Variants in PAPPA2 observed in about 807,000 individuals in gnomAD.
The protein encoded by PAPPA2 is pappalysin-2.
PAPPA2 carries 86 observed loss-of-function variants against 176.4 expected under a neutral mutation model. The observed-to-expected ratio is 0.49, with a 90% CI of 0.41 to 0.58. The LOEUF is 0.58. Among genes scored for constraint, PAPPA2 ranks in the 20% least tolerant of loss-of-function variants. The pLI, the probability that PAPPA2 is intolerant of heterozygous loss-of-function variation, is 0.00. For missense variants in PAPPA2, 2,073 were observed against 2,256.9 expected, an observed-to-expected ratio of 0.92 and a Z score of 1.65; for synonymous variants, 809 against 852.2, an observed-to-expected ratio of 0.95 and a Z score of 0.88.
In PAPPA2 at chr1:176,742,760, C is replaced by T. The variant is rs547227447; in HGVS notation, c.4151+2564C>T. Among the ~76,000 whole-genome samples, 12 of 152,274 alleles carry T rather than the reference C, an allele frequency of 7.9e-5. 1 individual carries two copies. Among genetic ancestry groups the T allele is most frequent in the East Asian group, 1.9e-4 (1 of 5,174 alleles). ...CACAGTTGTATATGTAGAGGCACCA[C>T]GATATAAAACCCTCAAATTCTGGGC... On this transcript the variant is annotated intron_variant, in intron 14 of 22. Transcript: ENST00000367662.
At chr1:176,833,750 G>A (rs1226619500) in intron 21 of PAPPA2, among the ~76,000 whole-genome samples, 1 of 151,940 alleles carries the variant, frequency 6.6e-6, no homozygotes, top group African/African-American at 2.4e-5. Flanking sequence ...GTATGGATGT[G>A]TACCATGTTC....
chr1:176,618,319 T>G (rs1655392867), intron 3 of PAPPA2, among the ~76,000 whole-genome samples: 1 of 152,202 alleles, frequency 6.6e-6, no homozygotes, highest in Non-Finnish European at 1.5e-5. Context: ...CACCTAAGCC[T>G]TCAGGGGTCA....
chr1:176,624,226 A>G (rs562998278), intron 3 of PAPPA2, among the ~76,000 whole-genome samples: 67 of 152,278 alleles, frequency 4.4e-4, no homozygotes, highest in South Asian at 1.9e-3. Flanking sequence ...TCCTTCCTTT[A>G]TGTTATATCC....
intron 3 of PAPPA2, among the ~76,000 whole-genome samples, chr1:176,662,805 G>A (rs553152447): frequency 2.7e-4 from 41 of 152,136 alleles, no homozygotes; most frequent in Middle Eastern, 3.4e-3. Flanking sequence ...GCATGAAATT[G>A]TTTCCTTTTT....
intron 1 of PAPPA2, among the ~76,000 whole-genome samples, chr1:176,514,008 C>A (rs1172851425): frequency 6.6e-6 from 1 of 152,122 alleles, no homozygotes; most frequent in Non-Finnish European, 1.5e-5. Flanking sequence ...GGCTTATTAC[C>A]ACAATTTTAT....
At chr1:176,726,538 G>T (rs1661885908) in intron 12 of PAPPA2, among the ~76,000 whole-genome samples, 1 of 152,200 alleles carries the variant, frequency 6.6e-6, no homozygotes. Flanking sequence ...CAGAATAGAG[G>T]TAAATAAGTA....
rs376986324 is a variant in PAPPA2, at chr1:176,699,182, G to A, written c.2829G>A (p.Thr943=). Residue 943 remains threonine, a synonymous_variant, in exon 8 of 23, where the codon ACG becomes ACA. Transcript: ENST00000367662. ...TCCACCTGTACCACATGAACATGACGGTCCCCTGCCCCACAGAAGGCTGTA... is the reference window on the plus strand; with the variant it reads ...TCCACCTGTACCACATGAACATGACAGTCCCCTGCCCCACAGAAGGCTGTA... ...PEVHLYHMNM[T]VPCPTEGCSL... 7.4e-6 allele frequency: 12 copies of A among 1,613,954 alleles called. No homozygotes were observed. The highest frequency in any genetic ancestry group is 3.3e-5 in the Admixed American group (2 of 59,992).
intron 4 of PAPPA2, among the ~76,000 whole-genome samples, chr1:176,678,348 A>AT (rs1659411517): frequency 1.3e-5 from 2 of 152,092 alleles, no homozygotes; most frequent in South Asian, 4.1e-4. Flanking sequence ...TAAATCTTAA[A>AT]TTTACTTTCG....
At chr1:176,622,990 CTT>C (rs1163994252) in intron 3 of PAPPA2, among the ~76,000 whole-genome samples, 1 of 152,124 alleles carries the variant, frequency 6.6e-6, no homozygotes, top group East Asian at 1.9e-4. Context: ...CTTTGAGCCT[CTT>C]TTATAAGGGC....
At chr1:176,610,348 G>C (rs895185784) in intron 3 of PAPPA2, among the ~76,000 whole-genome samples, 7 of 136,604 alleles carry the variant, frequency 5.1e-5, no homozygotes, top group East Asian at 5.8e-4. Context: ...TGTGTGTGGG[G>C]GGGGGGAGTA....
intron 21 of PAPPA2, among the ~76,000 whole-genome samples, chr1:176,803,734 TC>T: frequency 6.6e-6 from 1 of 152,336 alleles, no homozygotes; most frequent in Non-Finnish European, 1.5e-5. Context: ...CAGGGTTCTT[TC>T]TATTGTGTCT....
At chr1:176,696,456 T>A (rs1235512926) in intron 7 of PAPPA2, among the ~76,000 whole-genome samples, 1 of 152,194 alleles carries the variant, frequency 6.6e-6, no homozygotes, top group African/African-American at 2.4e-5. Context: ...GCTTTGGATA[T>A]GATCTGAGCT....
At chr1:176,494,290 C>T (rs1166563662) in intron 1 of PAPPA2, among the ~76,000 whole-genome samples, 1 of 152,178 alleles carries the variant, frequency 6.6e-6, no homozygotes, top group Non-Finnish European at 1.5e-5. Flanking sequence ...AGGCTTTTAT[C>T]TGAAGCCACA....
At chr1:176,487,539 G>C (rs1215246376) in intron 1 of PAPPA2, among the ~76,000 whole-genome samples, 1 of 152,198 alleles carries the variant, frequency 6.6e-6, no homozygotes, top group African/African-American at 2.4e-5. Flanking sequence ...CAAGTGGGTG[G>C]CCAGGGCTGG....
intron 21 of PAPPA2, among the ~76,000 whole-genome samples, chr1:176,825,584 G>A (rs2102978432): frequency 6.6e-6 from 1 of 152,256 alleles, no homozygotes; most frequent in African/African-American, 2.4e-5. Context: ...CATGAAGGTG[G>A]GGACGATGAG....
chr1:176,701,339 A>G (rs1488795265), intron 8 of PAPPA2, among the ~76,000 whole-genome samples: 1 of 152,192 alleles, frequency 6.6e-6, no homozygotes, highest in Admixed American at 6.5e-5. Flanking sequence ...CCCCAGCCAC[A>G]GAAAAGTGTG....
Position 176,556,644 on chromosome 1 carries a change from C to A in PAPPA2, c.322C>A (p.Pro108Thr). The change falls in exon 2 of 23, where the codon CCC (proline) becomes ACC (threonine). Residue 108 changes from proline (P) to threonine (T), a missense_variant. Coordinates refer to ENST00000367662, the MANE Select transcript of PAPPA2 (RefSeq NM_020318.3). The stretch of plus-strand genomic sequence containing the variant: ...TGAAGGAAATGCTGTGAGCCTTGTT[C>A]CCCCAGACCTGACTGAAAATCCAGC... ...DTEGNAVSLVPPDLTENPAGL... is the reference protein window; with the variant it reads ...DTEGNAVSLVTPDLTENPAGL... The A allele has an allele frequency of 3.1e-6, 5 of 1,614,184 alleles. No individual in the cohort carries two copies. The highest frequency in any genetic ancestry group is 4.2e-6 in the Non-Finnish European group (5 of 1,180,034).
At chr1:176,486,004 A>G (rs1048418856) in intron 1 of PAPPA2, among the ~76,000 whole-genome samples, 2 of 152,240 alleles carry the variant, frequency 1.3e-5, no homozygotes, top group Admixed American at 6.5e-5. Context: ...ACTAGGAAAT[A>G]TATGGAAGAA....
intron 1 of PAPPA2, among the ~76,000 whole-genome samples, chr1:176,549,271 C>T (rs1223149991): frequency 1.3e-5 from 2 of 152,270 alleles, no homozygotes; most frequent in East Asian, 3.9e-4. Flanking sequence ...AAGTCACATT[C>T]GAATATATGG....
Sources: gnomAD v4.1 joint callset for allele counts (sites outside exome capture counted in the v4.1 genomes callset) on GRCh38, gnomAD v4.1.1 for gene constraint, MANE v1.5 for transcripts, NCBI Gene and HGNC (gene_info 2026-07-23, HGNC 2026-07-21) for gene names.